The following OCM variants were observed in gnomAD, a reference collection of about 807,000 sequenced individuals.
The protein encoded by OCM is oncomodulin-1.
OCM carries 18 observed loss-of-function variants against 14.1 expected under a neutral mutation model. That is an observed-to-expected ratio of 1.28 (90% CI 0.88 to 1.89). The LOEUF is 1.89. OCM is among the 40% of genes most tolerant of loss of function. OCM has a pLI of 0.00. For synonymous variants in OCM, 48 were observed against 51.0 expected (o/e 0.94, Z 0.25); for missense variants, 140 against 137.6 (o/e 1.02, Z -0.09).
intron 3 of OCM, among the ~76,000 whole-genome samples, chr7:5,884,612 C>T (rs1474424527): frequency 5.3e-5 from 8 of 151,942 alleles, no homozygotes; most frequent in South Asian, 4.2e-4. Context: ...ATGTTGCTAG[C>T]GTGCTTTTTA....
At chr7:5,872,775 AC>A in the OCM span, among the ~76,000 whole-genome samples, 2 of 151,940 alleles carry the variant, frequency 1.3e-5, no homozygotes, top group Non-Finnish European at 2.9e-5. Context: ...AAAACCAGAG[AC>A]CTTTGTTCAC....
the OCM span, among the ~76,000 whole-genome samples, chr7:5,869,111 C>T: frequency 0.33 from 50,593 of 151,922 alleles, 10,698 homozygotes; most frequent in African/African-American, 0.61. Context: ...TCCAAAGTTC[C>T]ACATAGCTAG....
chr7:5,865,073 G>A, the OCM span, among the ~76,000 whole-genome samples: 1 of 152,144 alleles, frequency 6.6e-6, no homozygotes, highest in African/African-American at 2.4e-5. Context: ...ATATGACCTG[G>A]GATTCCCATT....
At chr7:5,866,323 A>G in the OCM span, among the ~76,000 whole-genome samples, 2 of 131,416 alleles carry the variant, frequency 1.5e-5, no homozygotes, top group African/African-American at 6.0e-5. Context: ...GAGATGAAGG[A>G]CAGAAGGAAG....
chr7:5,878,698 G>T (rs1458596955), upstream of OCM, among the ~76,000 whole-genome samples: 7 of 151,146 alleles, frequency 4.6e-5, no homozygotes, highest in African/African-American at 1.5e-4. Context: ...AGTGAGCCAA[G>T]ATCATGTCAC....
intron 2 of OCM, 152 bp downstream of exon 2, chr7:5,882,777 G>A (rs1781247207): frequency 1.2e-6 from 1 of 845,952 alleles, no homozygotes; most frequent in African/African-American, 1.7e-5. Flanking sequence ...TGAGTCAGTT[G>A]ACCGCACATC....
intron 2 of OCM, 90 bp from the exon 3 acceptor site, chr7:5,883,800 C>T: frequency 1.3e-6 from 2 of 1,489,240 alleles, no homozygotes; most frequent in Admixed American, 1.9e-5. Context: ...GTGCTGGAAA[C>T]AGGTGATATG....
upstream of OCM, among the ~76,000 whole-genome samples, chr7:5,878,259 G>A (rs552202590): frequency 1.4e-4 from 21 of 151,228 alleles, no homozygotes; most frequent in Admixed American, 5.9e-4. Flanking sequence ...CACTGCGCCC[G>A]GCCAGTAGTC....
At chr7:5,876,300 G>A (rs1051604489), upstream of OCM, among the ~76,000 whole-genome samples, 9 of 152,162 alleles carry the variant, frequency 5.9e-5, no homozygotes, top group South Asian at 4.1e-4. Context: ...CACTGGACCC[G>A]GCAGGGGCTG....
rs1319571938 is a variant in OCM, at chr7:5,883,904, A to C, written c.209A>C (p.Lys70Thr). ...TTATCCTGTAGGTTTTTCCTCCAGA[A>C]GTTTGAGAGTGGTGCCAGAGAACTG... ...DEEELKFFLQ[K>T]FESGARELTE... The change falls in exon 3 of 4, where the codon AAG (lysine) becomes ACG (threonine). Residue 70 changes from lysine to threonine, a missense_variant. Physicochemically the swap from Lys to Thr is moderately conservative, Grantham distance 78. Transcript: ENST00000242104. The C allele has an allele frequency of 6.2e-7, 1 of 1,612,734 alleles. No homozygotes were observed. Among genetic ancestry groups the C allele is most frequent in the Non-Finnish European group, 8.5e-7 (1 of 1,179,190 alleles).
chr7:5,877,376 G>A (rs1328186630), upstream of OCM, among the ~76,000 whole-genome samples: 2 of 151,912 alleles, frequency 1.3e-5, no homozygotes, highest in Non-Finnish European at 2.9e-5. Flanking sequence ...GCTGAGCTGG[G>A]AGGATTGCCT....
the OCM span, chr7:5,872,101 G>T: frequency 6.6e-6 from 1 of 152,194 alleles, no homozygotes; most frequent in African/African-American, 2.4e-5. Context: ...CGGCGCCAGC[G>T]GTAATTAGGG....
At chr7:5,875,426 T>G (rs1781077099), upstream of OCM, among the ~76,000 whole-genome samples, 1 of 152,070 alleles carries the variant, frequency 6.6e-6, no homozygotes, top group Admixed American at 6.6e-5. Flanking sequence ...CCTCATTGAT[T>G]CAGAAAACAT....
chr7:5,860,486 CGT>C, the OCM span, among the ~76,000 whole-genome samples: 2 of 79,588 alleles, frequency 2.5e-5, 1 homozygote, highest in Non-Finnish European at 4.5e-5. Context: ...TGTATATATA[CGT>C]GTATATATAT....
chr7:5,878,528 C>T (rs186769332), upstream of OCM, among the ~76,000 whole-genome samples: 3,322 of 151,442 alleles, frequency 0.022, 108 homozygotes, highest in African/African-American at 0.075. Flanking sequence ...GGGCGGATCA[C>T]GAGGTCAGGA....
Position 5,882,567 on chromosome 7 carries a change from G to A in OCM, c.136G>A (p.Asp46Asn), listed in dbSNP as rs1781240904. The A allele has an allele frequency of 6.2e-7, 1 of 1,613,988 alleles. No homozygotes were observed. Among genetic ancestry groups the A allele is most frequent in the African/African-American group, 1.3e-5 (1 of 74,892 alleles). The change falls in exon 2 of 4, where the codon GAT (aspartate) becomes AAT (asparagine). Residue 46 changes from aspartate (D) to asparagine (N), a missense_variant. Coordinates refer to ENST00000242104, the MANE Select transcript of OCM (RefSeq NM_001097622.2). ...LSKMSANQVKDVFRFIDNDQS... is the reference protein window; with the variant it reads ...LSKMSANQVKNVFRFIDNDQS... Reference sequence around the variant, plus strand: ...CAAGATGTCAGCCAATCAGGTGAAGGATGTTTTCCGGTTCATAGACAACGA... The same window carrying A: ...CAAGATGTCAGCCAATCAGGTGAAGAATGTTTTCCGGTTCATAGACAACGA...
At chr7:5,878,496 C>T (rs1220630751), upstream of OCM, among the ~76,000 whole-genome samples, 1 of 151,646 alleles carries the variant, frequency 6.6e-6, no homozygotes, top group Non-Finnish European at 1.5e-5. Context: ...CCTGTAATCC[C>T]AGCACTTTGG....
chr7:5,863,305 G>A, the OCM span, among the ~76,000 whole-genome samples: 1 of 152,036 alleles, frequency 6.6e-6, no homozygotes, highest in African/African-American at 2.4e-5. Flanking sequence ...TTCCTCCCGG[G>A]CGTGTCCTCA....
chr7:5,860,383 A>T, the OCM span, among the ~76,000 whole-genome samples: 1 of 142,408 alleles, frequency 7.0e-6, no homozygotes, highest in African/African-American at 2.5e-5. Flanking sequence ...TATATATATC[A>T]TTAGGTATAT....
Sources: gnomAD v4.1 joint callset for allele counts (sites outside exome capture counted in the v4.1 genomes callset) on GRCh38, gnomAD v4.1.1 for gene constraint, MANE v1.5 for transcripts, NCBI Gene and HGNC (gene_info 2026-07-23, HGNC 2026-07-21) for gene names.